Variants in ZFP37 observed in about 807,000 individuals in gnomAD.
ZFP37 encodes zinc finger protein 37 homolog.
ZFP37 carries 38 observed loss-of-function variants against 52.1 expected under a neutral mutation model. The ratio of observed to expected loss-of-function variants is 0.73; its 90% confidence interval spans 0.56 to 0.96. The LOEUF is 0.96. Among genes scored for constraint, ZFP37 ranks in the 40% least tolerant of loss-of-function variants. The probability of loss-of-function intolerance (pLI) is 0.00; values close to 1 mark genes in which losing one functional copy is unlikely to be tolerated. For synonymous variants in ZFP37, 253 were observed against 259.5 expected, an observed-to-expected ratio of 0.98 and a Z score of 0.24; for missense variants, 695 against 741.4, an observed-to-expected ratio of 0.94 and a Z score of 0.73.
chr9:113,050,590 T>C (rs950835863), intron 1 of ZFP37, among the ~76,000 whole-genome samples: 5 of 152,066 alleles, frequency 3.3e-5, no homozygotes, highest in Non-Finnish European at 7.4e-5. Flanking sequence ...ATTGAGACCC[T>C]TGATTTTTGT....
chr9:113,048,763 G>A (rs1246484972), intron 3 of ZFP37, among the ~76,000 whole-genome samples: 1 of 152,136 alleles, frequency 6.6e-6, no homozygotes, highest in African/African-American at 2.4e-5. Flanking sequence ...CTTCCCAGTG[G>A]AAGGATTATA....
At chr9:113,056,033 TTCC>T (rs953580366) in intron 1 of ZFP37, among the ~76,000 whole-genome samples, 12 of 128,492 alleles carry the variant, frequency 9.3e-5, no homozygotes, top group African/African-American at 3.5e-4. Flanking sequence ...GGCCCCCCGA[TTCC>T]TCCATTACCC....
rs755963233 is a variant in ZFP37 at position 113,049,857 on chromosome 9, C to G, written c.148G>C (p.Asp50His). 37 of 1,613,924 alleles carry G rather than the reference C, an allele frequency of 2.3e-5. No individual in the cohort carries two copies. The East Asian group carries it at 7.6e-4, about 33-fold the overall frequency. Residue 50 changes from aspartate (D) to histidine (H), a missense_variant, in exon 2 of 4, where the codon GAT (aspartate) becomes CAT (histidine). Asp to His is a moderately conservative substitution (Grantham distance 81). Transcript: ENST00000374227. The part of the protein sequence containing the change: ...EASAAEWKQL[D>H]PAQSNLYNDV... Reference sequence around the variant, plus strand: ...TTATACAGGTTGCTCTGAGCAGGATCCAGTTGCTTCCATTCCTTCTGGGTA... The same window carrying G: ...TTATACAGGTTGCTCTGAGCAGGATGCAGTTGCTTCCATTCCTTCTGGGTA...
intron 1 of ZFP37, among the ~76,000 whole-genome samples, chr9:113,055,431 AT>A: frequency 6.6e-6 from 1 of 152,326 alleles, no homozygotes; most frequent in African/African-American, 2.4e-5. Flanking sequence ...AATGTAAGTC[AT>A]TGAGGGAGGG....
intron 1 of ZFP37, among the ~76,000 whole-genome samples, chr9:113,051,332 G>C (rs1376979173): frequency 6.6e-6 from 1 of 152,134 alleles, no homozygotes; most frequent in African/African-American, 2.4e-5. Context: ...GCAGGTGGGG[G>C]AGGACGGCAC....
chr9:113,043,945 G>T lies in ZFP37; in HGVS notation c.673C>A (p.Gln225Lys). 2 of 1,613,916 alleles carry T rather than the reference G, an allele frequency of 1.2e-6. No homozygotes were observed. The highest frequency in any genetic ancestry group is 3.3e-4 in the Middle Eastern group (2 of 6,062). Residue 225 changes from glutamine to lysine, a missense_variant, in exon 4 of 4, where the codon CAA (glutamine) becomes AAA (lysine). By Grantham distance (53) the Gln-to-Lys change is moderately conservative (BLOSUM62 1). Around this residue, in one of 2 missense-constraint regions of ZFP37, gnomAD observed 369 missense variants for 340.9 expected, o/e 1.08. Transcript: ENST00000374227. ...AATTTCTCATGTTTCTTTCCAGTTT[G>T]CTTTTTGCCTTTCCTTGTATCAGAT... The part of the protein sequence containing the change: ...SLSDTRKGKK[Q>K]TGKKHEKLSS...
Position 113,049,815 on chromosome 9 carries a change from T to A in ZFP37, c.190A>T (p.Asn64Tyr), listed in dbSNP as rs34697857. The change falls in exon 2 of 4, where the codon AAC (asparagine) becomes TAC (tyrosine). Residue 64 changes from asparagine (N) to tyrosine (Y), a missense_variant. Asn to Tyr is a moderately radical substitution (Grantham distance 143). Transcript: ENST00000374227. Reference sequence around the variant, plus strand: ...CCCATTGAGGCTTGGTTGCAGTAGTTCTCCAGCATCACATCATTATACAGG... The same window carrying A: ...CCCATTGAGGCTTGGTTGCAGTAGTACTCCAGCATCACATCATTATACAGG... ...SNLYNDVMLE[N>Y]YCNQASMGCQ... The A allele has an allele frequency of 6.7e-4, 1,075 of 1,614,002 alleles. 11 individuals carry two copies. In the African/African-American group the frequency reaches 0.013, roughly 19 times the overall value.
Position 113,049,833 on chromosome 9 carries a change from TA to T in ZFP37, c.171del (p.Tyr57Ter). On this transcript the variant is annotated frameshift_variant, in exon 2 of 4. Transcript: ENST00000374227. LOFTEE classifies it high-confidence loss of function. ...CAGTAGTTCTCCAGCATCACATCAT[TA>T]TACAGGTTGCTCTGAGCAGGATCCA... ...KQLDPAQSNL[Y>X]NDVMLENYCN... 6.2e-7 allele frequency: 1 copy of T among 1,614,062 alleles called. No homozygotes were observed. The highest frequency in any genetic ancestry group is 1.1e-5 in the South Asian group (1 of 91,076).
Position 113,042,971 on chromosome 9 carries a change from T to A in ZFP37, c.1647A>T (p.Glu549Asp), listed in dbSNP as rs778308180. ...ACTTTTGGCTAAAGGCTTTCCCACA[T>A]TCATTACACTCATACGGTTTCTCTC... The part of the protein sequence containing the change: ...HTGEKPYECN[E>D]CGKAFSQKSH... Residue 549 changes from glutamate (E) to aspartate (D), a missense_variant, in exon 4 of 4, where the codon GAA (glutamate) becomes GAT (aspartate). Coordinates refer to ENST00000374227, the MANE Select transcript of ZFP37 (RefSeq NM_003408.3). The A allele has an allele frequency of 1.9e-6, 3 of 1,613,902 alleles. No homozygotes were observed. Among genetic ancestry groups the A allele is most frequent in the Non-Finnish European group, 2.5e-6 (3 of 1,179,908 alleles).
chr9:113,049,868 C>A lies in ZFP37; in HGVS notation c.137G>T (p.Trp46Leu), dbSNP rs1315398356. Reference protein sequence around the residue: ...VSEPEASAAEWKQLDPAQSNL... With the variant: ...VSEPEASAAELKQLDPAQSNL... ...GCTCTGAGCAGGATCCAGTTGCTTC[C>A]ATTCCTTCTGGGTAAAGGCCATAGT... is the stretch of plus-strand genomic sequence containing the variant. Residue 46 changes from tryptophan (W) to leucine (L), a missense_variant, in exon 2 of 4, where the codon TGG (tryptophan) becomes TTG (leucine). Coordinates refer to ENST00000374227, the MANE Select transcript of ZFP37 (RefSeq NM_003408.3). 1.9e-6 allele frequency: 3 copies of A among 1,613,906 alleles called. No homozygotes were observed. Among genetic ancestry groups the A allele is most frequent in the Non-Finnish European group, 2.5e-6 (3 of 1,179,940 alleles).
Position 113,052,053 on chromosome 9 carries a change from T to A in ZFP37, c.133-2181A>T, listed in dbSNP as rs1350956635. Among the ~76,000 whole-genome samples, 1 of 152,094 alleles carries A rather than the reference T, an allele frequency of 6.6e-6. No individual in the cohort carries two copies. The highest frequency in any genetic ancestry group is 1.5e-5 in the Non-Finnish European group (1 of 68,008). On this transcript the variant is annotated intron_variant, in intron 1 of 3. Coordinates refer to ENST00000374227, the MANE Select transcript of ZFP37 (RefSeq NM_003408.3). The surrounding 1 kb of genome is among the most constrained non-coding windows in gnomAD (Gnocchi z 4.1). The stretch of plus-strand genomic sequence containing the variant: ...AGGACACTGGTAATCTATCTCCTAT[T>A]ACCCCAAATCCCTCATCTTATCAAT...
At chr9:113,054,671 C>T (rs551591194) in intron 1 of ZFP37, among the ~76,000 whole-genome samples, 135 of 152,288 alleles carry the variant, frequency 8.9e-4, no homozygotes, top group African/African-American at 2.9e-3. Flanking sequence ...AATCACCATC[C>T]ATCCGGTTCT....
intron 3 of ZFP37, among the ~76,000 whole-genome samples, chr9:113,048,838 G>T (rs549764085): frequency 3.9e-5 from 6 of 152,198 alleles, no homozygotes; most frequent in African/African-American, 1.4e-4. Flanking sequence ...AATATGAGCT[G>T]AAAGGGATAT....
Position 113,038,876 on chromosome 9 carries a change from GCA to G in ZFP37, c.*3847_*3848del, listed in dbSNP as rs1826416618. ...ACTCATTTCTGGTCAAAAGATATGA[GCA>G]CATTCTTCTAGAAGGGGGACTTTGT... On this transcript the variant is annotated 3_prime_UTR_variant, in exon 4 of 4. Coordinates refer to ENST00000374227, the MANE Select transcript of ZFP37 (RefSeq NM_003408.3). The G allele has an allele frequency of 6.6e-6, 1 of 152,098 alleles. No individual in the cohort carries two copies. Among genetic ancestry groups the G allele is most frequent in the Non-Finnish European group, 1.5e-5 (1 of 68,016 alleles). The allele number at this position is 152,098 out of a possible 1,614,324, so 9.4% of individuals were successfully genotyped here. A position where few individuals can be genotyped will look rare whatever the true frequency, so the allele number is the denominator to read the frequency against.
intron 3 of ZFP37, among the ~76,000 whole-genome samples, chr9:113,048,760 G>A (rs1465663983): frequency 6.6e-6 from 1 of 152,150 alleles, no homozygotes; most frequent in African/African-American, 2.4e-5. Flanking sequence ...GCACTTCCCA[G>A]TGGAAGGATT....
chr9:113,042,581 C>A lies in ZFP37; in HGVS notation c.*144G>T. ...AAACCCTTGTTTCCATCCACTGATT[C>A]TATATGAAGATCCATTTTCAAAGTT... On this transcript the variant is annotated 3_prime_UTR_variant, in exon 4 of 4. Coordinates refer to ENST00000374227, the MANE Select transcript of ZFP37 (RefSeq NM_003408.3). 1.6e-6 allele frequency: 1 copy of A among 619,306 alleles called. No homozygotes were observed. The highest frequency in any genetic ancestry group is 2.6e-6 in the Non-Finnish European group (1 of 383,080). 38.4% of individuals were successfully genotyped at this position (619,306 alleles called of 1,614,324 possible).
rs1200927271 is a variant in ZFP37 at position 113,041,812 on chromosome 9, T to G, written c.*913A>C. 1 of 152,152 alleles carries G rather than the reference T, an allele frequency of 6.6e-6. No homozygotes were observed. Among genetic ancestry groups the G allele is most frequent in the Non-Finnish European group, 1.5e-5 (1 of 68,020 alleles). The allele number at this position is 152,152 out of a possible 1,614,324, so 9.4% of individuals were successfully genotyped here. On this transcript the variant is annotated 3_prime_UTR_variant, in exon 4 of 4. Transcript: ENST00000374227. ...GGGGCTCAGTGACAACCTTAAATAA[T>G]GTTGATTTATGCATATTAAAATATT...
chr9:113,055,632 C>G (rs1829127280), intron 1 of ZFP37, among the ~76,000 whole-genome samples: 1 of 152,132 alleles, frequency 6.6e-6, no homozygotes. Context: ...CACCCAAATA[C>G]TCCCCAATCA....
chr9:113,040,915 A>C lies in ZFP37; in HGVS notation c.*1810T>G, dbSNP rs1828835152. 1 of 152,172 alleles carries C rather than the reference A, an allele frequency of 6.6e-6. No individual in the cohort carries two copies. The highest frequency in any genetic ancestry group is 1.5e-5 in the Non-Finnish European group (1 of 68,028). The allele number at this position is 152,172 out of a possible 1,614,324, so 9.4% of individuals were successfully genotyped here. A position where few individuals can be genotyped will look rare whatever the true frequency, so the allele number is the denominator to read the frequency against. ...TTATGTCTCTGCTTTTAGTGTAACA[A>C]CTTAGATTTCAAAATAGTTCAGAAG... is the stretch of plus-strand genomic sequence containing the variant. On this transcript the variant is annotated 3_prime_UTR_variant, in exon 4 of 4. Coordinates refer to ENST00000374227, the MANE Select transcript of ZFP37 (RefSeq NM_003408.3).
Sources: gnomAD v4.1 joint callset for allele counts (sites outside exome capture counted in the v4.1 genomes callset) on GRCh38, gnomAD v4.1.1 for gene constraint, gnomAD v4.1.1 regional missense constraint, Gnocchi (gnomAD v3.1) non-coding constraint, MANE v1.5 for transcripts, NCBI Gene and HGNC (gene_info 2026-07-23, HGNC 2026-07-21) for gene names.